The following BICD2 variants were observed in gnomAD, a reference collection of about 807,000 sequenced individuals.
BICD2 encodes protein bicaudal D homolog 2.
BICD2 carries 25 observed loss-of-function variants against 72.9 expected under a neutral mutation model. The ratio of observed to expected loss-of-function variants is 0.34; its 90% CI spans 0.25 to 0.48. The LOEUF (loss-of-function observed/expected upper bound fraction) is 0.48. Among genes scored for constraint, BICD2 ranks in the 20% least tolerant of loss-of-function variants. The pLI, the probability that BICD2 is intolerant of heterozygous loss-of-function variation, is 0.99. For synonymous variants in BICD2, 501 were observed against 516.1 expected (o/e 0.97, Z 0.40); for missense variants, 894 against 1,175.2 (o/e 0.76, Z 3.50).
intron 1 of BICD2, among the ~76,000 whole-genome samples, chr9:92,739,395 T>C (rs1356542346): frequency 1.3e-5 from 2 of 152,168 alleles, no homozygotes; most frequent in Admixed American, 6.5e-5. Flanking sequence ...AATCCTCCCA[T>C]CCTGGGGAAT....
At chr9:92,746,841 A>G in intron 1 of BICD2, among the ~76,000 whole-genome samples, 1 of 152,248 alleles carries the variant, frequency 6.6e-6, no homozygotes, top group Non-Finnish European at 1.5e-5. Context: ...AACCTTCACC[A>G]TGGGGCAGCC....
At chr9:92,751,245 G>C (rs1197862480) in intron 1 of BICD2, among the ~76,000 whole-genome samples, 1 of 151,988 alleles carries the variant, frequency 6.6e-6, no homozygotes, top group Non-Finnish European at 1.5e-5. Context: ...CGGCTTCCTG[G>C]GTTCAAGTGA....
At position 92,713,926 on chromosome 9, in the gene BICD2, T is replaced by C. The variant is rs774928871; in HGVS notation, c.*1228A>G. 3.0e-6 allele frequency: 3 copies of C among 995,864 alleles called. No homozygotes were observed. The highest frequency in any genetic ancestry group is 3.6e-6 in the Non-Finnish European group (3 of 835,892). The allele number at this position is 995,864 out of a possible 1,614,324, so 61.7% of individuals were successfully genotyped here. On this transcript the variant is annotated 3_prime_UTR_variant, in exon 7 of 7. Transcript: ENST00000356884. ...CGCATGAGAGACAAGGCAAGCAGCC[T>C]GCAGGAGAGAAGACTGCAGCCTCAG... is the stretch of plus-strand genomic sequence containing the variant.
chr9:92,735,646 C>T (rs886193486), intron 1 of BICD2, among the ~76,000 whole-genome samples: 3 of 151,482 alleles, frequency 2.0e-5, no homozygotes, highest in African/African-American at 4.9e-5. Flanking sequence ...GAGGGCAAGT[C>T]GGGGCAGGGA....
At chr9:92,753,891 T>C (rs1400525388) in intron 1 of BICD2, among the ~76,000 whole-genome samples, 2 of 151,626 alleles carry the variant, frequency 1.3e-5, no homozygotes, top group East Asian at 3.9e-4. Context: ...AAGTCTGTAA[T>C]TCCAGCACCT....
chr9:92,727,405 G>T (rs1190831598), intron 2 of BICD2, among the ~76,000 whole-genome samples: 1 of 152,190 alleles, frequency 6.6e-6, no homozygotes, highest in African/African-American at 2.4e-5. Flanking sequence ...CCTCTACAAC[G>T]GGCTTCAGAG....
intron 1 of BICD2, among the ~76,000 whole-genome samples, chr9:92,745,369 C>T (rs575382535): frequency 6.6e-5 from 10 of 152,112 alleles, no homozygotes; most frequent in Middle Eastern, 3.4e-3. Context: ...CCAGTAATGA[C>T]CCAGATCCAA....
intron 5 of BICD2, 125 bp downstream of exon 5, chr9:92,718,414 C>T (rs572197596): frequency 5.1e-6 from 6 of 1,169,256 alleles, no homozygotes; most frequent in Non-Finnish European, 7.1e-6. Flanking sequence ...TACTATGGGG[C>T]TGGCTCTGTC....
At chr9:92,747,350 G>T (rs767837517) in intron 1 of BICD2, among the ~76,000 whole-genome samples, 3 of 152,212 alleles carry the variant, frequency 2.0e-5, no homozygotes, top group Non-Finnish European at 2.9e-5. Context: ...ACTTTGCCCA[G>T]GCCCCTGGCT....
At chr9:92,742,348 T>G (rs573100645) in intron 1 of BICD2, among the ~76,000 whole-genome samples, 1 of 152,190 alleles carries the variant, frequency 6.6e-6, no homozygotes. Context: ...TTCACAGAGT[T>G]GGGTGAACAT....
chr9:92,755,999 G>C (rs1230711485), intron 1 of BICD2, among the ~76,000 whole-genome samples: 1 of 152,212 alleles, frequency 6.6e-6, no homozygotes, highest in Non-Finnish European at 1.5e-5. Flanking sequence ...GAATGGCTGA[G>C]TCCACTGCCA....
chr9:92,750,567 G>A (rs1854126114), intron 1 of BICD2, among the ~76,000 whole-genome samples: 1 of 152,228 alleles, frequency 6.6e-6, no homozygotes. Context: ...TTCCAATTAT[G>A]TGACATTCTG....
At chr9:92,762,743 A>G (rs1854397502) in intron 1 of BICD2, among the ~76,000 whole-genome samples, 1 of 152,244 alleles carries the variant, frequency 6.6e-6, no homozygotes. Flanking sequence ...TCCTTCTCAC[A>G]GAGGACACTG....
chr9:92,734,557 C>T (rs941903002), intron 1 of BICD2, among the ~76,000 whole-genome samples: 9 of 151,754 alleles, frequency 5.9e-5, no homozygotes, highest in South Asian at 2.1e-4. Flanking sequence ...CCACCTCCCC[C>T]ACCCCCAACC....
intron 2 of BICD2, among the ~76,000 whole-genome samples, chr9:92,726,043 C>T (rs1564063275): frequency 6.6e-6 from 1 of 152,232 alleles, no homozygotes. Flanking sequence ...GATGCTCTCA[C>T]TAGCAGGAGA....
chr9:92,716,616 G>A (rs1302714662), intron 6 of BICD2, among the ~76,000 whole-genome samples: 1 of 152,234 alleles, frequency 6.6e-6, no homozygotes, highest in African/African-American at 2.4e-5. Context: ...TGGGCCCATG[G>A]TGGGCCTGGC....
Position 92,719,386 on chromosome 9 carries a change from T to G in BICD2, c.1259A>C (p.Glu420Ala), listed in dbSNP as rs771432118. The G allele has an allele frequency of 1.4e-5, 23 of 1,614,066 alleles. No homozygotes were observed. The highest frequency in any genetic ancestry group is 1.2e-4 in the African/African-American group (9 of 74,938). Residue 420 changes from glutamate to alanine, a missense_variant, in exon 5 of 7, where the codon GAG becomes GCG. Glu to Ala is a moderately radical substitution (Grantham distance 107). Transcript: ENST00000356884. Reference protein sequence around the residue: ...LDNEKDRDSHEDGDYYEVDIN... With the variant: ...LDNEKDRDSHADGDYYEVDIN... ...GTCCACCTCGTAGTAGTCCCCATCC[T>G]CATGGCTGTCACGGTCCTTCTCGTT... is the stretch of plus-strand genomic sequence containing the variant.
Position 92,718,731 on chromosome 9 carries a change from G to C in BICD2, c.1914C>G (p.Ile638Met), listed in dbSNP as rs1217921429. 3.1e-6 allele frequency: 5 copies of C among 1,614,162 alleles called. No individual in the cohort carries two copies. The highest frequency in any genetic ancestry group is 4.2e-6 in the Non-Finnish European group (5 of 1,180,034). ...YNLIAIIRDQ[I>M]KHLQAAVDRT... ...GGTCCACGGCTGCCTGCAGGTGCTT[G>C]ATCTGGTCACGGATGATAGCGATCA... The change falls in exon 5 of 7, where the codon ATC becomes ATG. Residue 638 changes from isoleucine to methionine, a missense_variant. Ile to Met is a conservative substitution (Grantham distance 10). This residue lies in a region of BICD2 where 321 missense variants were observed against 443.9 expected (regional missense o/e 0.72). Coordinates refer to ENST00000356884, the MANE Select transcript of BICD2 (RefSeq NM_001003800.2).
chr9:92,718,866 A>T lies in BICD2; in HGVS notation c.1779T>A (p.Pro593=). The T allele has an allele frequency of 6.2e-7, 1 of 1,602,786 alleles. No individual in the cohort carries two copies. The highest frequency in any genetic ancestry group is 8.5e-7 in the Non-Finnish European group (1 of 1,175,474). ...TCCCACCATCTGCTCGGCCCGCCTCAGGAGCCAGCAGCCCCTTGGGTAGGA... is the reference window on the plus strand; with the variant it reads ...TCCCACCATCTGCTCGGCCCGCCTCTGGAGCCAGCAGCCCCTTGGGTAGGA... ...PILLPKGLLA[P]EAGRADGGTG... is the part of the protein sequence containing the mutation. The change falls in exon 5 of 7, where the codon CCT becomes CCA. Residue 593 remains proline (P), a synonymous_variant. Coordinates refer to ENST00000356884, the MANE Select transcript of BICD2 (RefSeq NM_001003800.2).
Sources: gnomAD v4.1 joint callset for allele counts (sites outside exome capture counted in the v4.1 genomes callset) on GRCh38, gnomAD v4.1.1 for gene constraint, gnomAD v4.1.1 regional missense constraint, MANE v1.5 for transcripts, NCBI Gene and HGNC (gene_info 2026-07-23, HGNC 2026-07-21) for gene names.